FLNB: variants seen among roughly 807,000 people sequenced by gnomAD.
The protein encoded by FLNB is filamin-B.
FLNB carries 111 observed loss-of-function variants against 250.6 expected under a neutral mutation model. The ratio of observed to expected loss-of-function variants is 0.44; its 90% confidence interval spans 0.38 to 0.52. The LOEUF is 0.52. Among genes scored for constraint, FLNB ranks in the 20% least tolerant of loss-of-function variants. FLNB has a pLI of 0.00. For synonymous variants in FLNB, 1,302 were observed against 1,372.1 expected (o/e 0.95, Z 1.13); for missense variants, 2,869 against 3,447.8 (o/e 0.83, Z 4.20).
chr3:58,045,898 G>A (rs907324332), intron 1 of FLNB, among the ~76,000 whole-genome samples: 2 of 151,498 alleles, frequency 1.3e-5, no homozygotes, highest in Non-Finnish European at 2.9e-5. Context: ...TTCTTGGGAG[G>A]CTGAGGCAGG....
chr3:58,143,489 T>C lies in FLNB; in HGVS notation c.5301T>C (p.Pro1767=), dbSNP rs2097330657. The part of the protein sequence containing the change: ...KGEITGEVHM[P]SGKTATPEIV... ...GCTCCATAGGAGAGGTCCACATGCC[T>C]TCTGGGAAGACAGCCACACCTGAGA... Residue 1767 remains proline, a synonymous_variant, in exon 32 of 46, where the codon CCT becomes CCC. Transcript: ENST00000295956. The C allele has an allele frequency of 6.2e-7, 1 of 1,614,178 alleles. No homozygotes were observed. The highest frequency in any genetic ancestry group is 8.5e-7 in the Non-Finnish European group (1 of 1,180,036).
rs2097328131 is a variant in FLNB, at chr3:58,142,098, A to T, written c.5181+169A>T. Among the ~76,000 whole-genome samples the T allele has an allele frequency of 6.6e-6, 1 of 152,080 alleles. No homozygotes were observed. Among genetic ancestry groups the T allele is most frequent in the African/African-American group, 2.4e-5 (1 of 41,398 alleles). The stretch of plus-strand genomic sequence containing the variant: ...TGATCCCTGCTTTTTCTGTAATAAG[A>T]TCACCTTTGCGTCACCATCCGTGCT... On this transcript the variant is annotated intron_variant, in intron 30 of 45. Transcript: ENST00000295956. This position sits in a 1 kb window ranked among gnomAD's most constrained non-coding sequence, Gnocchi z 4.3.
At chr3:58,024,340 A>G (rs559808638) in intron 1 of FLNB, among the ~76,000 whole-genome samples, 1 of 152,312 alleles carries the variant, frequency 6.6e-6, no homozygotes, top group African/African-American at 2.4e-5. Flanking sequence ...ATAAAATGAT[A>G]TAATCCTGAT....
intron 45 of FLNB, among the ~76,000 whole-genome samples, chr3:58,170,012 C>T (rs1296115820): frequency 6.6e-6 from 1 of 152,184 alleles, no homozygotes; most frequent in East Asian, 1.9e-4. Context: ...ATTTGGGTTT[C>T]AAGGGTCGGT....
In FLNB at chr3:58,159,704, TG is replaced by T. The variant is rs758851584; in HGVS notation, c.7021+24del. The T allele has an allele frequency of 1.2e-6, 2 of 1,611,678 alleles. No individual in the cohort carries two copies. Among genetic ancestry groups the T allele is most frequent in the East Asian group, 2.2e-5 (1 of 44,878 alleles). ...GGAGCCAGGTGAGCAGGAGGCCTGC[TG>T]GGGGGTCCCAGCACCAGCACTTTCC... On this transcript the variant is annotated intron_variant, in intron 42 of 45. Coordinates refer to ENST00000295956, the MANE Select transcript of FLNB (RefSeq NM_001457.4).
intron 41 of FLNB, among the ~76,000 whole-genome samples, chr3:58,158,090 G>C (rs915249862): frequency 1.8e-4 from 28 of 151,820 alleles, no homozygotes; most frequent in African/African-American, 6.8e-4. Flanking sequence ...TTAGGAAATT[G>C]GAGTAGGCTG....
chr3:58,031,533 C>T lies in FLNB; in HGVS notation c.292+22677C>T, dbSNP rs549327766. ...CTAGGGGATTACAGACGTGAGCCACCGTGCCCTGCCTTTTTTTTTTTTTTT... is the reference window on the plus strand; with the variant it reads ...CTAGGGGATTACAGACGTGAGCCACTGTGCCCTGCCTTTTTTTTTTTTTTT... On this transcript the variant is annotated intron_variant, in intron 1 of 45. Coordinates refer to ENST00000295956, the MANE Select transcript of FLNB (RefSeq NM_001457.4). Among the ~76,000 whole-genome samples, 34 of 145,194 alleles carry T rather than the reference C, an allele frequency of 2.3e-4. 1 individual carries two copies. The South Asian group carries it at 7.2e-3, about 31-fold the overall frequency.
chr3:58,082,831 A>T (rs1182006367), intron 4 of FLNB, among the ~76,000 whole-genome samples: 2 of 151,884 alleles, frequency 1.3e-5, no homozygotes, highest in Non-Finnish European at 2.9e-5. Context: ...TTATACACAC[A>T]GTATTCTGTA....
intron 42 of FLNB, among the ~76,000 whole-genome samples, chr3:58,162,396 CA>C (rs1287630977): frequency 6.6e-6 from 1 of 152,202 alleles, no homozygotes; most frequent in Non-Finnish European, 1.5e-5. Flanking sequence ...TACCTTGCTA[CA>C]TGCTGTGACC....
chr3:58,127,571 A>G (rs2097300143), intron 24 of FLNB, among the ~76,000 whole-genome samples: 1 of 152,120 alleles, frequency 6.6e-6, no homozygotes, highest in Admixed American at 6.5e-5. Flanking sequence ...TGTCCTGTTC[A>G]TTGTAGACTT....
intron 18 of FLNB, among the ~76,000 whole-genome samples, chr3:58,112,717 T>C (rs7615893): frequency 0.4 from 60,116 of 152,162 alleles, 14,465 homozygotes; most frequent in East Asian, 0.97. Flanking sequence ...TTTTAGTCTT[T>C]TCATTAATTA....
intron 1 of FLNB, among the ~76,000 whole-genome samples, chr3:58,065,825 ACT>A (rs956120548): frequency 6.6e-6 from 1 of 152,204 alleles, no homozygotes; most frequent in Non-Finnish European, 1.5e-5. Flanking sequence ...CACATGACAA[ACT>A]GAGCTGGAGT....
chr3:58,163,131 T>C, intron 42 of FLNB, 23 bp from the exon 43 acceptor site: 1 of 1,613,490 alleles, frequency 6.2e-7, no homozygotes, highest in Non-Finnish European at 8.5e-7. Flanking sequence ...GATTTCACCC[T>C]GTGCCTTTGC....
At chr3:58,157,653 C>T (rs2097355293) in intron 41 of FLNB, among the ~76,000 whole-genome samples, 1 of 152,184 alleles carries the variant, frequency 6.6e-6, no homozygotes, top group Non-Finnish European at 1.5e-5. Flanking sequence ...GGGAGATAAA[C>T]CCAGCACTTA....
chr3:58,100,028 AGT>A lies in FLNB; in HGVS notation c.1345+1131_1345+1132del, dbSNP rs200151109. The stretch of plus-strand genomic sequence containing the variant: ...GTTGCACATGTTCATAATTTCCATG[AGT>A]GTGTGTGTGTTTCTTAAGACACATT... On this transcript the variant is annotated intron_variant, in intron 8 of 45. Coordinates refer to ENST00000295956, the MANE Select transcript of FLNB (RefSeq NM_001457.4). 3.3e-5 allele frequency among the ~76,000 whole-genome samples: 5 copies of A among 151,952 alleles called. No individual in the cohort carries two copies. The East Asian group carries it at 9.7e-4, about 29-fold the overall frequency.
chr3:58,129,842 G>T (rs540592455), intron 24 of FLNB, among the ~76,000 whole-genome samples: 1 of 152,214 alleles, frequency 6.6e-6, no homozygotes, highest in Non-Finnish European at 1.5e-5. Flanking sequence ...GCATGCTGCC[G>T]TTCGCTGGAT....
chr3:58,035,712 G>T (rs903592065), intron 1 of FLNB, among the ~76,000 whole-genome samples: 1 of 152,184 alleles, frequency 6.6e-6, no homozygotes, highest in African/African-American at 2.4e-5. Context: ...TGTGATTCCA[G>T]ATTGGAAGGT....
At chr3:58,143,641 G>C (rs755392729) in intron 32 of FLNB, 28 bp downstream of exon 32, 1 of 1,612,808 alleles carries the variant, frequency 6.2e-7, no homozygotes, top group African/African-American at 1.3e-5. Flanking sequence ...GCCCAGCAGG[G>C]CTCCACCATT....
intron 1 of FLNB, among the ~76,000 whole-genome samples, chr3:58,034,145 G>A (rs2097134773): frequency 1.3e-5 from 2 of 152,216 alleles, no homozygotes; most frequent in Non-Finnish European, 2.9e-5. Flanking sequence ...ATAGGTGTGA[G>A]CCACCACGCC....
Sources: gnomAD v4.1 joint callset for allele counts (sites outside exome capture counted in the v4.1 genomes callset) on GRCh38, gnomAD v4.1.1 for gene constraint, Gnocchi (gnomAD v3.1) non-coding constraint, MANE v1.5 for transcripts, NCBI Gene and HGNC (gene_info 2026-07-23, HGNC 2026-07-21) for gene names.